LRRTM4: variants seen among roughly 807,000 people sequenced by gnomAD.
LRRTM4 encodes the protein leucine rich repeat transmembrane neuronal 4.
A neutral mutation model predicts 47.6 loss-of-function variants in LRRTM4; 25 were observed. The observed-to-expected ratio is 0.53, with a 90% CI of 0.38 to 0.73. The LOEUF (loss-of-function observed/expected upper bound fraction) is 0.73. Ranked by LOEUF, LRRTM4 falls within the 30% of genes least tolerant of loss-of-function variation. The pLI, the probability that LRRTM4 is intolerant of heterozygous loss-of-function variation, is 0.00. For synonymous variants in LRRTM4, 311 were observed against 269.5 expected (o/e 1.15, Z -1.51); for missense variants, 638 against 713.4 (o/e 0.89, Z 1.20).
At chr2:76,862,849 A>T (rs1050000275) in intron 3 of LRRTM4, among the ~76,000 whole-genome samples, 1 of 152,214 alleles carries the variant, frequency 6.6e-6, no homozygotes, top group Non-Finnish European at 1.5e-5. Flanking sequence ...TAATAAATGA[A>T]GATAACTCAG....
intron 3 of LRRTM4, among the ~76,000 whole-genome samples, chr2:77,001,172 A>C (rs1490842101): frequency 6.6e-6 from 1 of 152,186 alleles, no homozygotes; most frequent in Non-Finnish European, 1.5e-5. Context: ...CTGTCATCTC[A>C]GCAGCTGCTG....
At chr2:77,104,987 A>G (rs1389129771) in intron 3 of LRRTM4, among the ~76,000 whole-genome samples, 1 of 152,062 alleles carries the variant, frequency 6.6e-6, no homozygotes, top group African/African-American at 2.4e-5. Flanking sequence ...AAGAAAAGCC[A>G]CTCTGACCTA....
chr2:76,973,484 A>G (rs1168734842), intron 3 of LRRTM4, among the ~76,000 whole-genome samples: 1 of 151,974 alleles, frequency 6.6e-6, no homozygotes, highest in Non-Finnish European at 1.5e-5. Context: ...TAGACATGCT[A>G]TTAACTTTTC....
intron 3 of LRRTM4, among the ~76,000 whole-genome samples, chr2:76,753,482 A>T (rs1358317072): frequency 2.6e-5 from 4 of 152,176 alleles, no homozygotes; most frequent in Non-Finnish European, 5.9e-5. Context: ...AGAAGCTAAG[A>T]AACTTTTGTG....
At chr2:77,433,216 A>C (rs2103909907) in intron 3 of LRRTM4, among the ~76,000 whole-genome samples, 1 of 152,320 alleles carries the variant, frequency 6.6e-6, no homozygotes, top group Middle Eastern at 3.4e-3. Context: ...AAAAATGTTC[A>C]ATTGTTTGAA....
chr2:76,928,482 G>C (rs77042351), intron 3 of LRRTM4, among the ~76,000 whole-genome samples: 1,602 of 152,182 alleles, frequency 0.011, 42 homozygotes, highest in African/African-American at 0.037. Context: ...GGAGCTTTGA[G>C]GATTTTTGAT....
chr2:77,518,150 C>G, intron 3 of LRRTM4, 168 bp downstream of exon 3: 1 of 1,257,882 alleles, frequency 7.9e-7, no homozygotes, highest in Admixed American at 3.9e-5. Context: ...AAAAAGCAGT[C>G]AATTTCCTGG....
At chr2:77,089,090 C>A (rs1419072360) in intron 3 of LRRTM4, among the ~76,000 whole-genome samples, 1 of 152,102 alleles carries the variant, frequency 6.6e-6, no homozygotes, top group Non-Finnish European at 1.5e-5. Flanking sequence ...GGGTGTCAGA[C>A]CACACAAGGA....
intron 3 of LRRTM4, among the ~76,000 whole-genome samples, chr2:77,161,507 T>G (rs898902799): frequency 8.5e-5 from 13 of 152,206 alleles, no homozygotes; most frequent in Non-Finnish European, 1.3e-4. Flanking sequence ...TCTCAGTGTT[T>G]GGCTCTATCT....
chr2:76,931,474 C>A (rs1365891295), intron 3 of LRRTM4, among the ~76,000 whole-genome samples: 1 of 152,080 alleles, frequency 6.6e-6, no homozygotes, highest in African/African-American at 2.4e-5. Flanking sequence ...TTCCTTTAAT[C>A]CTGAGTGTGG....
At chr2:76,839,819 C>T (rs1457389037) in intron 3 of LRRTM4, among the ~76,000 whole-genome samples, 1 of 151,548 alleles carries the variant, frequency 6.6e-6, no homozygotes, top group East Asian at 1.9e-4. Flanking sequence ...AATGGTAAAT[C>T]TTGTAAAAAT....
At chr2:77,484,915 T>C (rs887452153) in intron 3 of LRRTM4, among the ~76,000 whole-genome samples, 24 of 152,152 alleles carry the variant, frequency 1.6e-4, no homozygotes, top group Admixed American at 6.5e-5. Context: ...AGCATGTTTA[T>C]GAATAAATAG....
intron 3 of LRRTM4, among the ~76,000 whole-genome samples, chr2:77,422,570 T>C (rs1175944105): frequency 7.9e-5 from 12 of 152,198 alleles, no homozygotes; most frequent in Non-Finnish European, 1.0e-4. Context: ...TTCTTATTGA[T>C]ATAATAAGCA....
At chr2:76,803,289 T>A (rs577344973) in intron 3 of LRRTM4, among the ~76,000 whole-genome samples, 5 of 152,036 alleles carry the variant, frequency 3.3e-5, no homozygotes, top group Non-Finnish European at 7.4e-5. Flanking sequence ...GGGCAAAGAA[T>A]CTGAATAGAC....
At chr2:76,883,281 A>G (rs1346731513) in intron 3 of LRRTM4, among the ~76,000 whole-genome samples, 1 of 152,202 alleles carries the variant, frequency 6.6e-6, no homozygotes, top group East Asian at 1.9e-4. Context: ...TGAGCCCCTG[A>G]AGATGAAAGG....
chr2:76,890,806 A>G (rs1304182575), intron 3 of LRRTM4, among the ~76,000 whole-genome samples: 11 of 152,006 alleles, frequency 7.2e-5, no homozygotes, highest in Admixed American at 6.6e-4. Context: ...GAACTAAAAT[A>G]TAACTTCAAA....
chr2:77,031,708 C>T (rs1573475307), intron 3 of LRRTM4, among the ~76,000 whole-genome samples: 1 of 147,900 alleles, frequency 6.8e-6, no homozygotes, highest in Admixed American at 6.8e-5. Flanking sequence ...CAATAATGAA[C>T]ACCATGTGAT....
chr2:77,149,364 G>A (rs185817267), intron 3 of LRRTM4, among the ~76,000 whole-genome samples: 120 of 151,438 alleles, frequency 7.9e-4, no homozygotes, highest in Non-Finnish European at 1.4e-3. Context: ...AATTCCACAT[G>A]TGGCTCATAT....
At chr2:77,418,761 T>C (rs1038464369) in intron 3 of LRRTM4, among the ~76,000 whole-genome samples, 11 of 152,204 alleles carry the variant, frequency 7.2e-5, no homozygotes, top group Non-Finnish European at 2.9e-5. Flanking sequence ...TCCTGAGTCA[T>C]ACACATGACT....
Sources: allele counts gnomAD v4.1 joint callset (sites outside exome capture counted in the v4.1 genomes callset), GRCh38; gene constraint gnomAD v4.1.1; transcripts MANE v1.5; gene names NCBI Gene and HGNC (gene_info 2026-07-23, HGNC 2026-07-21).